MYCBP2: variants seen among roughly 807,000 people sequenced by gnomAD.
The protein encoded by MYCBP2 is E3 ubiquitin-protein ligase MYCBP2.
In MYCBP2, 120 loss-of-function variants were observed where a neutral mutation model predicts 525.3. The observed-to-expected ratio is 0.23, with a 90% confidence interval of 0.20 to 0.27. The LOEUF is 0.27. Among genes scored for constraint, MYCBP2 ranks in the 10% least tolerant of loss-of-function variants. The pLI, the probability that MYCBP2 is intolerant of heterozygous loss-of-function variation, is 1.00. For missense variants in MYCBP2, 4,149 were observed against 5,657.1 expected, an observed-to-expected ratio of 0.73 and a Z score of 8.55; for synonymous variants, 1,894 against 1,955.8, an observed-to-expected ratio of 0.97 and a Z score of 0.83.
At chr13:77,294,490 A>G (rs1007875998) in intron 2 of MYCBP2, among the ~76,000 whole-genome samples, 5 of 152,088 alleles carry the variant, frequency 3.3e-5, no homozygotes, top group Admixed American at 6.5e-5. Flanking sequence ...AAAAAACTGA[A>G]TTACTAAGGG....
intron 26 of MYCBP2, among the ~76,000 whole-genome samples, chr13:77,202,431 C>A (rs1221797902): frequency 1.3e-5 from 2 of 152,094 alleles, no homozygotes; most frequent in Non-Finnish European, 2.9e-5. Context: ...GAGTCCAGGA[C>A]CAGATGGATT....
At chr13:77,147,168 T>G (rs924496323) in intron 47 of MYCBP2, among the ~76,000 whole-genome samples, 1 of 152,034 alleles carries the variant, frequency 6.6e-6, no homozygotes, top group Non-Finnish European at 1.5e-5. Flanking sequence ...CAACCCAAAA[T>G]ATACTGCTTA....
Position 77,081,440 on chromosome 13 carries a change from G to C in MYCBP2, c.11405C>G (p.Ser3802Cys), listed in dbSNP as rs2043297642. The change falls in exon 65 of 83, where the codon TCC becomes TGC. Residue 3802 changes from serine (S) to cysteine (C), a missense_variant. This residue lies in a region of MYCBP2 where 509 missense variants were observed against 789.4 expected (regional missense o/e 0.64). Transcript: ENST00000544440. The surrounding 1 kb of genome is among the most constrained non-coding windows in gnomAD (Gnocchi z 4.6). ...ARYVSVHVDN[S>C]RDLGNKVTSM... Reference sequence around the variant, plus strand: ...TTGCTTTCTTACCCCAAGATCTCGGGAATTGTCCACGTGAACAGACACATA... The same window carrying C: ...TTGCTTTCTTACCCCAAGATCTCGGCAATTGTCCACGTGAACAGACACATA... The C allele has an allele frequency of 6.2e-7, 1 of 1,611,696 alleles. No homozygotes were observed. The highest frequency in any genetic ancestry group is 1.3e-5 in the African/African-American group (1 of 74,956).
Position 77,177,830 on chromosome 13 carries a change from T to C in MYCBP2, c.5258A>G (p.Lys1753Arg), listed in dbSNP as rs138526126. ...GAAACCAACCACAACTATTCCAGGT[T>C]TGTCTACTGAAAAACAGATTGCATC... ...SPDAICFSVD[K>R]PGIVVVGFSV... Residue 1753 changes from lysine (K) to arginine (R), a missense_variant, in exon 35 of 83, where the codon AAA becomes AGA. By Grantham distance (26) the Lys-to-Arg change is conservative. Transcript: ENST00000544440. 31 of 1,614,076 alleles carry C rather than the reference T, an allele frequency of 1.9e-5. No individual in the cohort carries two copies. The highest frequency in any genetic ancestry group is 2.4e-5 in the Non-Finnish European group (28 of 1,179,946).
chr13:77,177,019 CTTTA>C (rs1479850367), intron 35 of MYCBP2, among the ~76,000 whole-genome samples: 2 of 151,874 alleles, frequency 1.3e-5, no homozygotes, highest in African/African-American at 2.4e-5. Context: ...AACTCAGGTA[CTTTA>C]ATTTTAGAGA....
intron 26 of MYCBP2, among the ~76,000 whole-genome samples, chr13:77,196,515 T>C (rs1260826185): frequency 2.0e-5 from 3 of 152,312 alleles, no homozygotes; most frequent in African/African-American, 7.2e-5. Flanking sequence ...CCCAACCTGA[T>C]AGCAGTGGCA....
chr13:77,174,362 C>T lies in MYCBP2; in HGVS notation c.5600G>A (p.Ser1867Asn). 3 of 1,614,146 alleles carry T rather than the reference C, an allele frequency of 1.9e-6. No individual in the cohort carries two copies. Among genetic ancestry groups the T allele is most frequent in the Non-Finnish European group, 2.5e-6 (3 of 1,180,004 alleles). ...TCCTCTGGTTTGGTTTGTGCCGTTA[C>T]TGCTCAAGCTGCACGTGCTGAATGT... ...TFTFSTCSLS[S>N]NGTNQTRGQI... Residue 1867 changes from serine to asparagine, a missense_variant, in exon 37 of 83, where the codon AGT (serine) becomes AAT (asparagine). Physicochemically the swap from Ser to Asn is conservative, Grantham distance 46. Transcript: ENST00000544440.
intron 1 of MYCBP2, among the ~76,000 whole-genome samples, chr13:77,314,033 G>A (rs532755109): frequency 6.6e-6 from 1 of 152,046 alleles, no homozygotes; most frequent in African/African-American, 2.4e-5. Context: ...AATGCAAGAG[G>A]AACTCTCATT....
intron 60 of MYCBP2, 30 bp downstream of exon 60, chr13:77,090,076 C>T: frequency 1.3e-6 from 2 of 1,573,966 alleles, no homozygotes; most frequent in Non-Finnish European, 1.7e-6. Flanking sequence ...AGTCAGATCA[C>T]TCAATATTCT....
intron 14 of MYCBP2, 21 bp downstream of exon 14, chr13:77,257,650 A>G: frequency 6.6e-7 from 1 of 1,518,398 alleles, no homozygotes. Flanking sequence ...AAATTTTAAT[A>G]TCTAAGAATT....
chr13:77,118,429 A>G (rs902639595), intron 55 of MYCBP2: 2 of 764,812 alleles, frequency 2.6e-6, no homozygotes, highest in Non-Finnish European at 4.8e-6. Flanking sequence ...AGCTTGATCA[A>G]AGATGGAAGG....
At chr13:77,052,298 A>G (rs2036986482) in intron 80 of MYCBP2, among the ~76,000 whole-genome samples, 1 of 152,120 alleles carries the variant, frequency 6.6e-6, no homozygotes, top group African/African-American at 2.4e-5. Flanking sequence ...TCTTGGGCTC[A>G]GGCGATCCGC....
At chr13:77,076,657 C>T in intron 68 of MYCBP2, 94 bp downstream of exon 68, 2 of 693,594 alleles carry the variant, frequency 2.9e-6, no homozygotes, top group Non-Finnish European at 4.7e-6. Context: ...ACTGTTATTA[C>T]ATATCCATCA....
In MYCBP2 at chr13:77,212,090, A is replaced by G; in HGVS notation, c.3128T>C (p.Ile1043Thr). 2 of 1,614,122 alleles carry G rather than the reference A, an allele frequency of 1.2e-6. No homozygotes were observed. The highest frequency in any genetic ancestry group is 1.3e-5 in the African/African-American group (1 of 75,062). Residue 1043 changes from isoleucine (I) to threonine (T), a missense_variant, in exon 22 of 83, where the codon ATT (isoleucine) becomes ACT (threonine). Physicochemically the swap from Ile to Thr is moderately conservative, Grantham distance 89. Coordinates refer to ENST00000544440, the MANE Select transcript of MYCBP2 (RefSeq NM_015057.5). ...AGCTTTTCTTCCATATTTTGATCCA[A>G]TGTTAGGCATGGGAGCTGGCTTTGC... is the stretch of plus-strand genomic sequence containing the variant. ...WNAKPAPMPN[I>T]GSKYGRKATW...
At chr13:77,178,289 G>A (rs540145950) in intron 34 of MYCBP2, among the ~76,000 whole-genome samples, 2 of 152,188 alleles carry the variant, frequency 1.3e-5, no homozygotes, top group South Asian at 4.1e-4. Flanking sequence ...AAATTTCATC[G>A]AAATTCTATA....
At chr13:77,160,065 C>CT (rs34051925) in intron 44 of MYCBP2, among the ~76,000 whole-genome samples, 21,554 of 136,196 alleles carry the variant, frequency 0.16, 2,020 homozygotes, top group South Asian at 0.4. Flanking sequence ...AAATCACAAA[C>CT]TTTTTTTTTT....
chr13:77,202,448 C>T lies in MYCBP2; in HGVS notation c.3843+2808G>A, dbSNP rs1391233785. 8.4e-4 allele frequency among the ~76,000 whole-genome samples: 128 copies of T among 152,066 alleles called. 3 individuals are homozygous for T. Among genetic ancestry groups the T allele is most frequent in the African/African-American group, 2.4e-5 (1 of 41,380 alleles). On this transcript the variant is annotated intron_variant, in intron 26 of 82. Coordinates refer to ENST00000544440, the MANE Select transcript of MYCBP2 (RefSeq NM_015057.5). ...GTCCAGGACCAGATGGATTCACAGC[C>T]GAATTCTACCAGAGATACAAGGAGG...
At chr13:77,134,306 G>T (rs1387867445) in intron 52 of MYCBP2, among the ~76,000 whole-genome samples, 1 of 152,132 alleles carries the variant, frequency 6.6e-6, no homozygotes, top group Non-Finnish European at 1.5e-5. Context: ...AAGGTAGGTG[G>T]ATCACTTGAG....
intron 34 of MYCBP2, among the ~76,000 whole-genome samples, chr13:77,178,757 T>C (rs2059946622): frequency 1.3e-5 from 2 of 152,186 alleles, no homozygotes; most frequent in South Asian, 4.1e-4. Context: ...AGCCAGGACC[T>C]GTGGGAACTC....
Sources: gnomAD v4.1 joint callset for allele counts (sites outside exome capture counted in the v4.1 genomes callset) on GRCh38, gnomAD v4.1.1 for gene constraint, gnomAD v4.1.1 regional missense constraint, Gnocchi (gnomAD v3.1) non-coding constraint, MANE v1.5 for transcripts, NCBI Gene and HGNC (gene_info 2026-07-23, HGNC 2026-07-21) for gene names.